The following PRKCE variants were observed in gnomAD, a reference collection of about 807,000 sequenced individuals.
PRKCE encodes protein kinase C epsilon type.
PRKCE carries 16 observed loss-of-function variants against 85.4 expected under a neutral mutation model. The ratio of observed to expected loss-of-function variants is 0.19; its 90% CI spans 0.13 to 0.28. The LOEUF is 0.28. Among genes scored for constraint, PRKCE ranks in the 10% least tolerant of loss-of-function variants. The pLI is 1.00. For synonymous variants in PRKCE, 388 were observed against 371.5 expected, an observed-to-expected ratio of 1.04 and a Z score of -0.51; for missense variants, 573 against 975.2, an observed-to-expected ratio of 0.59 and a Z score of 5.49.
intron 2 of PRKCE, among the ~76,000 whole-genome samples, chr2:45,872,509 A>G (rs1394605602): frequency 1.3e-5 from 2 of 152,192 alleles, no homozygotes; most frequent in African/African-American, 4.8e-5. Flanking sequence ...GCTGCTGTGT[A>G]AGAATGGGCA....
chr2:46,118,543 A>G (rs1192774181), intron 11 of PRKCE, among the ~76,000 whole-genome samples: 1 of 152,214 alleles, frequency 6.6e-6, no homozygotes, highest in Non-Finnish European at 1.5e-5. Flanking sequence ...CTTCATGGAA[A>G]GCCTTGGACT....
intron 1 of PRKCE, among the ~76,000 whole-genome samples, chr2:45,764,460 G>C (rs2104855186): frequency 6.6e-6 from 1 of 152,282 alleles, no homozygotes; most frequent in African/African-American, 2.4e-5. Flanking sequence ...CTTCTAACTG[G>C]CTTCTGTTGC....
chr2:45,744,351 C>G (rs1315335038), intron 1 of PRKCE, among the ~76,000 whole-genome samples: 2 of 152,208 alleles, frequency 1.3e-5, no homozygotes, highest in African/African-American at 4.8e-5. Context: ...TCTGGCCACA[C>G]ATCAGAATCA....
chr2:45,678,902 A>G (rs576526342), intron 1 of PRKCE, among the ~76,000 whole-genome samples: 1 of 152,270 alleles, frequency 6.6e-6, no homozygotes, highest in East Asian at 1.9e-4. Context: ...ACTCAGGTTC[A>G]TCCTTGTTGA....
At chr2:46,058,404 C>A (rs553135523) in intron 10 of PRKCE, among the ~76,000 whole-genome samples, 6 of 152,368 alleles carry the variant, frequency 3.9e-5, no homozygotes, top group African/African-American at 1.4e-4. Context: ...CCCAAAGGAA[C>A]TGGCTCATTG....
intron 1 of PRKCE, among the ~76,000 whole-genome samples, chr2:45,726,033 G>C (rs1372489063): frequency 6.6e-6 from 1 of 152,192 alleles, no homozygotes; most frequent in African/African-American, 2.4e-5. Flanking sequence ...TAGAAATGGA[G>C]CCTGGCGATG....
At chr2:45,744,451 T>TTCTC (rs1161305072) in intron 1 of PRKCE, among the ~76,000 whole-genome samples, 1 of 57,686 alleles carries the variant, frequency 1.7e-5, no homozygotes, top group African/African-American at 7.9e-5. Context: ...CTTTCTTTCT[T>TTCTC]TCTTTCTTTC....
intron 1 of PRKCE, among the ~76,000 whole-genome samples, chr2:45,711,781 T>C (rs1256428623): frequency 6.6e-6 from 1 of 152,086 alleles, no homozygotes; most frequent in Non-Finnish European, 1.5e-5. Context: ...TGCGCGACCA[T>C]GCCCAGCTAA....
At chr2:45,898,784 G>A (rs1170679492) in intron 2 of PRKCE, among the ~76,000 whole-genome samples, 1 of 152,174 alleles carries the variant, frequency 6.6e-6, no homozygotes, top group African/African-American at 2.4e-5. Context: ...GTGGCTCTGA[G>A]GAGGGAGTGG....
intron 2 of PRKCE, among the ~76,000 whole-genome samples, chr2:45,843,267 A>T (rs1312804092): frequency 3.9e-5 from 6 of 152,252 alleles, no homozygotes; most frequent in Non-Finnish European, 8.8e-5. Flanking sequence ...AGCAGAGGGA[A>T]GATTTTGGAC....
chr2:45,869,704 C>CTTTTTTTTTTTT (rs1246509613), intron 2 of PRKCE, among the ~76,000 whole-genome samples: 1 of 116,864 alleles, frequency 8.6e-6, no homozygotes, highest in Non-Finnish European at 1.8e-5. Context: ...GTTTCTCTCT[C>CTTTTTTTTTTTT]TCTTTTTTTT....
chr2:46,182,076 A>T (rs2594493), intron 14 of PRKCE, among the ~76,000 whole-genome samples: 31,715 of 151,084 alleles, frequency 0.21, 3,931 homozygotes, highest in African/African-American at 0.35. Flanking sequence ...CACCCCTACT[A>T]CTCCATTATC....
Position 45,905,867 on chromosome 2 carries a change from T to A in PRKCE, c.412+62804T>A, listed in dbSNP as rs772931458. 9.8e-5 allele frequency among the ~76,000 whole-genome samples: 15 copies of A among 152,352 alleles called. No homozygotes were observed. In the Middle Eastern group the frequency reaches 0.01, roughly 104 times the overall value. ...GGCTCCCACAGTGGGAATAATTTCC[T>A]TGAAGGTCTTTACTCCAAGAGGTTC... On this transcript the variant is annotated intron_variant, in intron 2 of 14. Coordinates refer to ENST00000306156, the MANE Select transcript of PRKCE (RefSeq NM_005400.3). The surrounding 1 kb of genome is among the most constrained non-coding windows in gnomAD (Gnocchi z 4.4).
chr2:45,736,347 A>T (rs913181994), intron 1 of PRKCE, among the ~76,000 whole-genome samples: 3 of 152,204 alleles, frequency 2.0e-5, no homozygotes, highest in Admixed American at 6.5e-5. Context: ...GAGAGCTATT[A>T]CATGATAGGC....
intron 1 of PRKCE, among the ~76,000 whole-genome samples, chr2:45,691,790 G>A (rs760309586): frequency 2.6e-5 from 4 of 152,158 alleles, no homozygotes; most frequent in Admixed American, 6.5e-5. Flanking sequence ...GCTTTGCATG[G>A]AGGCGGCACT....
At chr2:46,040,513 G>T (rs1038386278) in intron 10 of PRKCE, among the ~76,000 whole-genome samples, 7 of 152,092 alleles carry the variant, frequency 4.6e-5, no homozygotes, top group Admixed American at 4.6e-4. Context: ...AATCTTCATG[G>T]TGGGGCCTGG....
intron 1 of PRKCE, among the ~76,000 whole-genome samples, chr2:45,763,698 C>T (rs1684694968): frequency 6.6e-6 from 1 of 152,120 alleles, no homozygotes; most frequent in African/African-American, 2.4e-5. Flanking sequence ...GCCCTTCTGC[C>T]CAGACTCAGT....
chr2:46,064,262 CAG>C (rs1181648930), intron 10 of PRKCE, among the ~76,000 whole-genome samples: 1 of 120,772 alleles, frequency 8.3e-6, no homozygotes, highest in East Asian at 2.4e-4. Flanking sequence ...ACCTGGGTGA[CAG>C]AGTGAGACTC....
At chr2:45,984,905 CG>C (rs1320554352) in intron 6 of PRKCE, among the ~76,000 whole-genome samples, 8 of 152,124 alleles carry the variant, frequency 5.3e-5, no homozygotes, top group African/African-American at 1.2e-4. Flanking sequence ...AGGAGGAGGG[CG>C]GACTCCACGC....
Sources: allele counts gnomAD v4.1 joint callset (sites outside exome capture counted in the v4.1 genomes callset), GRCh38; gene constraint gnomAD v4.1.1; non-coding constraint Gnocchi (gnomAD v3.1); transcripts MANE v1.5; gene names NCBI Gene and HGNC (gene_info 2026-07-23, HGNC 2026-07-21).